Variants in CBLB observed in about 807,000 individuals in gnomAD.
CBLB encodes Cbl proto-oncogene B, also known as E3 ubiquitin-protein ligase CBL-B.
A neutral mutation model predicts 104.9 loss-of-function variants in CBLB; 31 were observed. The ratio of observed to expected loss-of-function variants is 0.30; its 90% confidence interval spans 0.22 to 0.40. CBLB has a LOEUF of 0.40. CBLB is among the 10% of genes least tolerant of loss of function. The pLI, the probability that CBLB is intolerant of heterozygous loss-of-function variation, is 1.00. For missense variants in CBLB, 1,062 were observed against 1,214.6 expected (o/e 0.87, Z 1.87); for synonymous variants, 440 against 422.6 (o/e 1.04, Z -0.51).
Position 105,694,066 on chromosome 3 carries a change from A to G in CBLB, c.1960-478T>C, listed in dbSNP as rs116951154. ...TTCTGATGAAACAGTACATTAATAT[A>G]ATCAGAAGTGCCTTTGTTCTTTCAT... On this transcript the variant is annotated intron_variant, in intron 12 of 18. Coordinates refer to ENST00000394030, the MANE Select transcript of CBLB (RefSeq NM_170662.5). Among the ~76,000 whole-genome samples, 34 of 152,102 alleles carry G rather than the reference A, an allele frequency of 2.2e-4. No homozygotes were observed. In the East Asian group the frequency reaches 5.4e-3, roughly 24 times the overall value.
At chr3:105,779,715 C>T (rs1261869702) in intron 3 of CBLB, among the ~76,000 whole-genome samples, 3 of 151,716 alleles carry the variant, frequency 2.0e-5, no homozygotes, top group Non-Finnish European at 4.4e-5. Flanking sequence ...GAAAACTATT[C>T]TGGTATCTAA....
At chr3:105,858,847 G>T (rs548744620) in intron 2 of CBLB, among the ~76,000 whole-genome samples, 1 of 152,074 alleles carries the variant, frequency 6.6e-6, no homozygotes, top group Non-Finnish European at 1.5e-5. Flanking sequence ...ACTGAGTTTT[G>T]TATTTGCTTA....
intron 18 of CBLB, among the ~76,000 whole-genome samples, chr3:105,660,722 G>A (rs2063710756): frequency 6.6e-6 from 1 of 151,956 alleles, no homozygotes; most frequent in South Asian, 2.1e-4. Context: ...CTTTCCCAAT[G>A]GCTTCAGGAG....
At chr3:105,756,829 T>C (rs1326663750) in intron 4 of CBLB, among the ~76,000 whole-genome samples, 5 of 152,218 alleles carry the variant, frequency 3.3e-5, no homozygotes, top group Admixed American at 6.5e-5. Flanking sequence ...AAACCTCATA[T>C]TGAACTGTAA....
intron 17 of CBLB, among the ~76,000 whole-genome samples, chr3:105,678,180 G>A (rs772333487): frequency 9.2e-5 from 14 of 152,248 alleles, no homozygotes; most frequent in South Asian, 2.1e-4. Context: ...GAGGTTTCTG[G>A]ACTGGACAAT....
rs114169983 is a variant in CBLB, at chr3:105,848,046, T to G, written c.419+5368A>C. On this transcript the variant is annotated intron_variant, in intron 3 of 18. Coordinates refer to ENST00000394030, the MANE Select transcript of CBLB (RefSeq NM_170662.5). ...CACACACATACACATGCAAGCTTTA[T>G]GCTTGTCAGAAATCACTGAATTACT... is the stretch of plus-strand genomic sequence containing the variant. Among the ~76,000 whole-genome samples the G allele has an allele frequency of 4.3e-3, 655 of 152,094 alleles. 4 individuals are homozygous for G. Among genetic ancestry groups the G allele is most frequent in the African/African-American group, 0.015 (621 of 41,542 alleles).
chr3:105,759,006 T>A (rs1260427036), intron 4 of CBLB, among the ~76,000 whole-genome samples: 1 of 152,190 alleles, frequency 6.6e-6, no homozygotes, highest in African/African-American at 2.4e-5. Flanking sequence ...GTTTTTTCAG[T>A]CCTGCCATTT....
intron 12 of CBLB, among the ~76,000 whole-genome samples, chr3:105,698,275 A>G (rs530492716): frequency 5.1e-4 from 77 of 152,094 alleles, no homozygotes; most frequent in African/African-American, 1.8e-3. Flanking sequence ...ACAATTACCA[A>G]ATGGAGTAAT....
At chr3:105,675,868 G>T (rs922704959) in intron 17 of CBLB, among the ~76,000 whole-genome samples, 2 of 127,844 alleles carry the variant, frequency 1.6e-5, no homozygotes, top group African/African-American at 6.0e-5. Flanking sequence ...CTGGGCAACA[G>T]AGTGAGACCC....
intron 6 of CBLB, among the ~76,000 whole-genome samples, chr3:105,741,156 G>T (rs1021362403): frequency 8.4e-6 from 1 of 118,792 alleles, no homozygotes. Context: ...CTTAGAATTC[G>T]ATATATTCCT....
rs537330962 is a variant in CBLB, at chr3:105,671,335, T to A, written c.2570-983A>T. ...GTTGTCGATATCTCTGAAAGTACCG[T>A]CAATTCTTCTGAGGACAGGGATCTG... On this transcript the variant is annotated intron_variant, in intron 17 of 18. Coordinates refer to ENST00000394030, the MANE Select transcript of CBLB (RefSeq NM_170662.5). The A allele has an allele frequency of 3.3e-5, 7 of 214,030 alleles. No individual in the cohort carries two copies. In the South Asian group the frequency reaches 1.1e-3, roughly 34 times the overall value. The allele number at this position is 214,030 out of a possible 1,614,324, so 13.3% of individuals were successfully genotyped here.
At chr3:105,776,251 T>C in intron 4 of CBLB, 145 bp downstream of exon 4, 2 of 620,332 alleles carry the variant, frequency 3.2e-6, no homozygotes, top group Middle Eastern at 4.4e-4. Flanking sequence ...ACTATAAAAA[T>C]TACCAATCAA....
intron 10 of CBLB, among the ~76,000 whole-genome samples, chr3:105,719,731 C>A (rs1381911574): frequency 1.3e-5 from 2 of 152,120 alleles, no homozygotes; most frequent in East Asian, 3.8e-4. Context: ...AGAGTATACT[C>A]CTACTTATGA....
intron 14 of CBLB, among the ~76,000 whole-genome samples, chr3:105,682,298 T>C (rs149318704): frequency 0.015 from 2,343 of 152,314 alleles, 32 homozygotes; most frequent in Middle Eastern, 0.027. Context: ...AGAAAAATTA[T>C]TGAACTTTCA....
chr3:105,848,969 T>G (rs2090615719), intron 3 of CBLB, among the ~76,000 whole-genome samples: 1 of 152,126 alleles, frequency 6.6e-6, no homozygotes, highest in South Asian at 2.1e-4. Flanking sequence ...AGGTTCTGAT[T>G]GGTAATGTAC....
intron 3 of CBLB, among the ~76,000 whole-genome samples, chr3:105,826,919 T>C (rs1345237692): frequency 2.0e-5 from 3 of 152,042 alleles, no homozygotes; most frequent in South Asian, 4.1e-4. Flanking sequence ...AGAAAGACTA[T>C]GTGTGTTCAC....
intron 6 of CBLB, among the ~76,000 whole-genome samples, chr3:105,745,170 T>C (rs1029410634): frequency 6.6e-6 from 1 of 152,200 alleles, no homozygotes; most frequent in Non-Finnish European, 1.5e-5. Flanking sequence ...GTACTCAGCA[T>C]ACTGCCTGCC....
chr3:105,836,593 C>T (rs952373685), intron 3 of CBLB, among the ~76,000 whole-genome samples: 2 of 152,060 alleles, frequency 1.3e-5, no homozygotes, highest in Admixed American at 6.5e-5. Flanking sequence ...GGGCAAGTTT[C>T]GGAACCACAG....
At position 105,695,828 on chromosome 3, in the gene CBLB, G is replaced by A. The variant is rs149618798; in HGVS notation, c.1960-2240C>T. Among the ~76,000 whole-genome samples, 354 of 151,716 alleles carry A rather than the reference G, an allele frequency of 2.3e-3. 2 individuals are homozygous for A. The highest frequency in any genetic ancestry group is 8.3e-3 in the African/African-American group (343 of 41,486). On this transcript the variant is annotated intron_variant, in intron 12 of 18. Transcript: ENST00000394030. Reference sequence around the variant, plus strand: ...TTAGGCCACACTGGGCCTCTTTCAGGACAAAAATTCTATTACTCCTTTACC... The same window carrying A: ...TTAGGCCACACTGGGCCTCTTTCAGAACAAAAATTCTATTACTCCTTTACC...
Sources: allele counts gnomAD v4.1 joint callset (sites outside exome capture counted in the v4.1 genomes callset), GRCh38; gene constraint gnomAD v4.1.1; transcripts MANE v1.5; gene names NCBI Gene and HGNC (gene_info 2026-07-23, HGNC 2026-07-21).